Variants in ARHGEF11 observed in about 807,000 individuals in gnomAD.
ARHGEF11 encodes Rho guanine nucleotide exchange factor 11, also known as Rho guanine exchange factor (GEF) 11.
In ARHGEF11, 55 loss-of-function variants were observed where a neutral mutation model predicts 193.7. The observed-to-expected ratio is 0.28, with a 90% CI of 0.23 to 0.36. The LOEUF (loss-of-function observed/expected upper bound fraction) is 0.36. ARHGEF11 is among the 10% of genes least tolerant of loss of function. The pLI is 1.00. For missense variants in ARHGEF11, 1,723 were observed against 2,005.6 expected (o/e 0.86, Z 2.69); for synonymous variants, 693 against 768.0 (o/e 0.90, Z 1.62).
intron 1 of ARHGEF11, among the ~76,000 whole-genome samples, chr1:157,018,877 G>A (rs1217807909): frequency 6.6e-6 from 1 of 152,152 alleles, no homozygotes; most frequent in African/African-American, 2.4e-5. Flanking sequence ...AATGAGGAAA[G>A]AATATGATTT....
intron 1 of ARHGEF11, among the ~76,000 whole-genome samples, chr1:157,043,298 C>T (rs949703971): frequency 6.6e-6 from 1 of 152,188 alleles, no homozygotes; most frequent in Admixed American, 6.5e-5. Flanking sequence ...AACCACCCAT[C>T]TATCCAGTTA....
intron 28 of ARHGEF11, 112 bp from the exon 29 acceptor site, chr1:156,946,274 G>T: frequency 1.2e-6 from 1 of 826,882 alleles, no homozygotes; most frequent in South Asian, 1.6e-5. Context: ...AACGCCAGAT[G>T]GATCACTCAG....
At chr1:156,955,852 G>T in intron 19 of ARHGEF11, 53 bp from the exon 20 acceptor site, 1 of 1,400,648 alleles carries the variant, frequency 7.1e-7, no homozygotes, top group South Asian at 1.2e-5. Flanking sequence ...ACCCAGGCGT[G>T]GCTGCTAATC....
At position 156,939,794 on chromosome 1, in the gene ARHGEF11, T is replaced by C; in HGVS notation, c.3850A>G (p.Thr1284Ala). Residue 1284 changes from threonine to alanine, a missense_variant, in exon 37 of 41, where the codon ACC becomes GCC. Transcript: ENST00000368194. ...LTPTPSVISVTSHPWDPGSPG... is the reference protein window; with the variant it reads ...LTPTPSVISVASHPWDPGSPG... ...GAGCCTGGGTCCCAGGGGTGAGAGG[T>C]GACGCTGATGACAGAAGGTGTGGGT... 1 of 1,613,614 alleles carries C rather than the reference T, an allele frequency of 6.2e-7. No homozygotes were observed. Among genetic ancestry groups the C allele is most frequent in the Non-Finnish European group, 8.5e-7 (1 of 1,179,900 alleles).
At position 157,044,395 on chromosome 1, in the gene ARHGEF11, G is replaced by A. The variant is rs1673125319; in HGVS notation, c.-65C>T. 2 of 1,559,970 alleles carry A rather than the reference G, an allele frequency of 1.3e-6. No homozygotes were observed. The highest frequency in any genetic ancestry group is 3.4e-5 in the Admixed American group (2 of 58,542). ...TTGGTGTCTTGATCAGGATTGAATC[G>A]CTTGCAATTTTTGAGCAAGGTGAGA... On this transcript the variant is annotated 5_prime_UTR_variant, in exon 1 of 41. Transcript: ENST00000368194.
At chr1:156,944,991 G>T (rs1272332364) in intron 30 of ARHGEF11, 28 bp downstream of exon 30, 1 of 1,607,308 alleles carries the variant, frequency 6.2e-7, no homozygotes, top group South Asian at 1.1e-5. Context: ...AGTGTGAGGG[G>T]TTGACTGCTG....
At chr1:156,936,141 C>A (rs374573005) in intron 40 of ARHGEF11, 83 bp from the exon 41 acceptor site, 40 of 1,372,216 alleles carry the variant, frequency 2.9e-5, no homozygotes, top group Non-Finnish European at 4.0e-5. Context: ...TTCAGGCTCA[C>A]GAGAACAGAT....
At chr1:156,938,684 A>G (rs1656072575) in intron 37 of ARHGEF11, 171 bp from the exon 38 acceptor site, 1 of 545,086 alleles carries the variant, frequency 1.8e-6, no homozygotes, top group Non-Finnish European at 3.2e-6. Flanking sequence ...CAGTGCAGAG[A>G]ACTTTCCACC....
At chr1:156,960,612 A>G in intron 14 of ARHGEF11, 152 bp from the exon 15 acceptor site, 1 of 658,524 alleles carries the variant, frequency 1.5e-6, no homozygotes, top group Non-Finnish European at 2.6e-6. Context: ...CCAACTGCAC[A>G]CCTGAATTCT....
Position 156,938,482 on chromosome 1 carries a change from T to G in ARHGEF11, c.4128A>C (p.Ala1376=), listed in dbSNP as rs778753913. 1 of 1,613,468 alleles carries G rather than the reference T, an allele frequency of 6.2e-7. No homozygotes were observed. Among genetic ancestry groups the G allele is most frequent in the Admixed American group, 1.7e-5 (1 of 59,950 alleles). The part of the protein sequence containing the change: ...AEVAGSKVVP[A]LPESGQSEPG... ...GCTCTGACTGGCCACTCTCTGGTAGTGCAGGGACAACCTTGCTGCCTGCCA... is the reference window on the plus strand; with the variant it reads ...GCTCTGACTGGCCACTCTCTGGTAGGGCAGGGACAACCTTGCTGCCTGCCA... The change falls in exon 38 of 41, where the codon GCA becomes GCC. Residue 1376 remains alanine, a synonymous_variant. Coordinates refer to ENST00000368194, the MANE Select transcript of ARHGEF11 (RefSeq NM_198236.3).
intron 1 of ARHGEF11, 41 bp from the exon 2 acceptor site, chr1:156,986,214 G>T: frequency 1.3e-6 from 2 of 1,538,390 alleles, no homozygotes; most frequent in Non-Finnish European, 9.0e-7. Context: ...GAGCTCAGCA[G>T]GGGGGATCAG....
At position 156,960,663 on chromosome 1, in the gene ARHGEF11, C is replaced by T. The variant is rs978655723; in HGVS notation, c.1240-203G>A. Among the ~76,000 whole-genome samples, 7 of 152,204 alleles carry T rather than the reference C, an allele frequency of 4.6e-5. No homozygotes were observed. The East Asian group carries it at 9.6e-4, about 21-fold the overall frequency. On this transcript the variant is annotated intron_variant, in intron 14 of 40. Transcript: ENST00000368194. ...GGAAATGGAGTCTGAGGCTACAGAGCAAGCTGGTACTATATTCTGAGGGCG... is the reference window on the plus strand; with the variant it reads ...GGAAATGGAGTCTGAGGCTACAGAGTAAGCTGGTACTATATTCTGAGGGCG...
chr1:156,937,339 G>A lies in ARHGEF11; in HGVS notation c.4350C>T (p.Pro1450=). 2 of 1,613,612 alleles carry A rather than the reference G, an allele frequency of 1.2e-6. No individual in the cohort carries two copies. The highest frequency in any genetic ancestry group is 1.1e-5 in the South Asian group (1 of 91,030). The stretch of plus-strand genomic sequence containing the variant: ...GGGCCAGGCTTGGAGGAGAGCGGCT[G>A]GGGCGTCTTGGATCATCGTTGCCTC... ...LQGGNDDPRR[P]SRSPPSLALR... The change falls in exon 39 of 41, where the codon CCC becomes CCT. Residue 1450 remains proline, a synonymous_variant. Transcript: ENST00000368194.
chr1:156,947,472 G>A (rs1658355247), intron 25 of ARHGEF11, 22 bp from the exon 26 acceptor site: 1 of 1,574,036 alleles, frequency 6.4e-7, no homozygotes, highest in South Asian at 1.2e-5. Flanking sequence ...TTGTGACAAG[G>A]AGGGTAGAAA....
intron 1 of ARHGEF11, among the ~76,000 whole-genome samples, chr1:156,996,268 A>G (rs1267474830): frequency 6.6e-6 from 1 of 152,200 alleles, no homozygotes; most frequent in Non-Finnish European, 1.5e-5. Context: ...ACTAAATAAG[A>G]AACTGCATGT....
intron 1 of ARHGEF11, among the ~76,000 whole-genome samples, chr1:157,040,005 G>A (rs1016142414): frequency 6.6e-5 from 10 of 152,210 alleles, no homozygotes; most frequent in African/African-American, 9.6e-5. Context: ...TGATGAACTC[G>A]TATTGTCATT....
At chr1:156,969,077 G>A (rs544569313) in intron 10 of ARHGEF11, among the ~76,000 whole-genome samples, 2 of 152,318 alleles carry the variant, frequency 1.3e-5, no homozygotes, top group East Asian at 3.9e-4. Flanking sequence ...ATGATAAAAT[G>A]AAAGCCAGAT....
chr1:156,944,309 G>T (rs1337071349), intron 31 of ARHGEF11, 49 bp downstream of exon 31: 1 of 1,584,298 alleles, frequency 6.3e-7, no homozygotes, highest in East Asian at 2.2e-5. Context: ...AGCCCAGGGA[G>T]GCCCACCCAC....
chr1:157,023,300 C>T (rs746829791), intron 1 of ARHGEF11, among the ~76,000 whole-genome samples: 67 of 151,906 alleles, frequency 4.4e-4, no homozygotes, highest in Middle Eastern at 3.4e-3. Context: ...AATAAAGGGA[C>T]GAATAACTTA....
Sources: allele counts gnomAD v4.1 joint callset (sites outside exome capture counted in the v4.1 genomes callset), GRCh38; gene constraint gnomAD v4.1.1; transcripts MANE v1.5; gene names NCBI Gene and HGNC (gene_info 2026-07-23, HGNC 2026-07-21).